FAM107B: variants seen among roughly 807,000 people sequenced by gnomAD.
FAM107B encodes family with sequence similarity 107 member B, also known as protein FAM107B.
Under a neutral mutation model 31.5 loss-of-function variants are expected in FAM107B, and 21 were observed. The observed-to-expected ratio is 0.67, with a 90% CI of 0.47 to 0.96. FAM107B has a LOEUF of 0.96. Ranked by LOEUF, FAM107B falls within the 40% of genes least tolerant of loss-of-function variation. The probability of loss-of-function intolerance (pLI) is 0.00; values close to 1 mark genes in which losing one functional copy is unlikely to be tolerated. For missense variants in FAM107B, 452 were observed against 377.1 expected (o/e 1.20, Z -1.64); for synonymous variants, 157 against 141.5 (o/e 1.11, Z -0.78).
At chr10:14,603,961 C>A (rs1319458733) in intron 2 of FAM107B, among the ~76,000 whole-genome samples, 4 of 148,926 alleles carry the variant, frequency 2.7e-5, no homozygotes, top group Admixed American at 1.3e-4. Flanking sequence ...ATGAGCCGGG[C>A]GGCCGCTGGG....
chr10:14,739,021 T>C (rs1442774359), intron 1 of FAM107B, among the ~76,000 whole-genome samples: 1 of 152,210 alleles, frequency 6.6e-6, no homozygotes, highest in Admixed American at 6.5e-5. Flanking sequence ...CTCCTCCACA[T>C]ACCTGGAGCC....
chr10:14,647,138 T>C (rs1853777299), intron 2 of FAM107B, among the ~76,000 whole-genome samples: 1 of 152,134 alleles, frequency 6.6e-6, no homozygotes, highest in Admixed American at 6.5e-5. Flanking sequence ...AGATGGGCCA[T>C]TCACGTTTTT....
intron 2 of FAM107B, chr10:14,604,258 G>A (rs1852511792): frequency 1.0e-6 from 1 of 979,604 alleles, no homozygotes. Flanking sequence ...GCGCACAAAG[G>A]CGCGCGGCTC....
chr10:14,709,764 C>T (rs570538103), intron 1 of FAM107B, among the ~76,000 whole-genome samples: 5 of 152,176 alleles, frequency 3.3e-5, no homozygotes, highest in South Asian at 2.1e-4. Context: ...ACAATCAACC[C>T]GTGAAAAGAC....
intron 1 of FAM107B, among the ~76,000 whole-genome samples, chr10:14,705,608 C>A (rs894796113): frequency 4.6e-5 from 7 of 151,978 alleles, no homozygotes; most frequent in African/African-American, 1.7e-4. Context: ...AATAAGCTAG[C>A]CACAGAAAGA....
chr10:14,761,234 T>C (rs1003319925), intron 1 of FAM107B, among the ~76,000 whole-genome samples: 1 of 152,210 alleles, frequency 6.6e-6, no homozygotes, highest in African/African-American at 2.4e-5. Flanking sequence ...GGGCCTAATA[T>C]GTGCTGAAGA....
intron 2 of FAM107B, among the ~76,000 whole-genome samples, chr10:14,603,733 T>C (rs2131378311): frequency 6.6e-6 from 1 of 152,238 alleles, no homozygotes; most frequent in South Asian, 2.1e-4. Context: ...AAAAGTTACT[T>C]GCAGACTGGA....
chr10:14,584,396 G>A (rs1851756089), intron 2 of FAM107B, among the ~76,000 whole-genome samples: 1 of 152,224 alleles, frequency 6.6e-6, no homozygotes, highest in Non-Finnish European at 1.5e-5. Flanking sequence ...CTGCCGATGA[G>A]AATTATGCTT....
At chr10:14,597,338 G>C (rs1852220161) in intron 2 of FAM107B, among the ~76,000 whole-genome samples, 1 of 145,050 alleles carries the variant, frequency 6.9e-6, no homozygotes, top group Non-Finnish European at 1.5e-5. Flanking sequence ...TTAAAACTTG[G>C]ATAAAGCGTG....
At chr10:14,556,433 C>T (rs1195087241) in intron 2 of FAM107B, 1 of 985,376 alleles carries the variant, frequency 1.0e-6, no homozygotes, top group Non-Finnish European at 1.2e-6. Flanking sequence ...CCAGTCAGCA[C>T]TCAGCATGCC....
At chr10:14,656,946 A>G (rs1462154616) in intron 2 of FAM107B, among the ~76,000 whole-genome samples, 1 of 152,158 alleles carries the variant, frequency 6.6e-6, no homozygotes, top group Admixed American at 6.5e-5. Context: ...GATGGAGAAG[A>G]ATAGGTCATA....
intron 1 of FAM107B, among the ~76,000 whole-genome samples, chr10:14,736,742 A>G (rs1856308917): frequency 6.6e-6 from 1 of 152,228 alleles, no homozygotes; most frequent in Non-Finnish European, 1.5e-5. Context: ...CCTGGGATTT[A>G]TGTCCAATCA....
intron 2 of FAM107B, among the ~76,000 whole-genome samples, chr10:14,543,983 T>A (rs1018808625): frequency 6.6e-6 from 1 of 152,160 alleles, no homozygotes; most frequent in Non-Finnish European, 1.5e-5. Context: ...CAAGAACCAC[T>A]GACTTCTTTA....
At chr10:14,663,807 G>A (rs1460705397) in intron 2 of FAM107B, among the ~76,000 whole-genome samples, 1 of 149,202 alleles carries the variant, frequency 6.7e-6, no homozygotes, top group East Asian at 2.0e-4. Flanking sequence ...TCATTATCAC[G>A]TGGGTGGCTC....
At chr10:14,711,640 C>T (rs936887365) in intron 1 of FAM107B, among the ~76,000 whole-genome samples, 1 of 152,076 alleles carries the variant, frequency 6.6e-6, no homozygotes, top group African/African-American at 2.4e-5. Context: ...TGTATCCCTG[C>T]TTTTTTTAGT....
intron 2 of FAM107B, among the ~76,000 whole-genome samples, chr10:14,623,341 G>A (rs1337238347): frequency 1.3e-5 from 2 of 152,194 alleles, no homozygotes; most frequent in African/African-American, 4.8e-5. Context: ...GACTCACCCT[G>A]TGCATCTTTC....
intron 2 of FAM107B, among the ~76,000 whole-genome samples, chr10:14,655,418 A>ATTTTG (rs753169620): frequency 7.2e-5 from 11 of 151,994 alleles, no homozygotes; most frequent in South Asian, 2.1e-4. Flanking sequence ...CCTCACAAAT[A>ATTTTG]TTTTGTTTTG....
intron 2 of FAM107B, among the ~76,000 whole-genome samples, chr10:14,622,441 G>GGACTA (rs1227480010): frequency 6.6e-6 from 1 of 151,948 alleles, no homozygotes; most frequent in African/African-American, 2.4e-5. Flanking sequence ...CGAGTAGCTG[G>GGACTA]GACTACAGGT....
chr10:14,749,163 G>T (rs563767468), intron 1 of FAM107B, among the ~76,000 whole-genome samples: 9 of 152,146 alleles, frequency 5.9e-5, no homozygotes, highest in Admixed American at 5.9e-4. Flanking sequence ...CACCCTTTCC[G>T]GAAGGGATGA....
Sources: gnomAD v4.1 joint callset for allele counts (sites outside exome capture counted in the v4.1 genomes callset) on GRCh38, gnomAD v4.1.1 for gene constraint, MANE v1.5 for transcripts, NCBI Gene and HGNC (gene_info 2026-07-23, HGNC 2026-07-21) for gene names.